The following CLEC6A variants were observed in gnomAD, a reference collection of about 807,000 sequenced individuals.
CLEC6A encodes C-type lectin domain family 6 member A.
Under a neutral mutation model 25.7 loss-of-function variants are expected in CLEC6A, and 22 were observed. That is an observed-to-expected ratio of 0.85 (90% CI 0.61 to 1.22). The LOEUF (loss-of-function observed/expected upper bound fraction) is 1.22. Ranked by LOEUF, CLEC6A falls within the 50% of genes most tolerant of loss-of-function variation. The pLI, the probability that CLEC6A is intolerant of heterozygous loss-of-function variation, is 0.00. For synonymous variants in CLEC6A, 92 were observed against 76.7 expected, an observed-to-expected ratio of 1.20 and a Z score of -1.04; for missense variants, 240 against 236.8, an observed-to-expected ratio of 1.01 and a Z score of -0.09.
intron 4 of CLEC6A, among the ~76,000 whole-genome samples, chr12:8,468,854 A>T (rs1230428292): frequency 1.3e-5 from 2 of 152,140 alleles, no homozygotes; most frequent in Non-Finnish European, 2.9e-5. Flanking sequence ...AAAAGTTAAA[A>T]TCATTCCCCC....
At chr12:8,457,109 CAAA>C (rs550398985) in intron 1 of CLEC6A, among the ~76,000 whole-genome samples, 1 of 132,190 alleles carries the variant, frequency 7.6e-6, no homozygotes. Flanking sequence ...GACTCCATGT[CAAA>C]AAAAAAAAAA....
At chr12:8,463,837 ATAC>A (rs1196937068) in intron 3 of CLEC6A, among the ~76,000 whole-genome samples, 1 of 152,154 alleles carries the variant, frequency 6.6e-6, no homozygotes, top group Non-Finnish European at 1.5e-5. Context: ...AGAAAATAAA[ATAC>A]TATTAACGTT....
At chr12:8,466,267 C>T (rs1257656471) in intron 4 of CLEC6A, among the ~76,000 whole-genome samples, 1 of 152,206 alleles carries the variant, frequency 6.6e-6, no homozygotes, top group Admixed American at 6.5e-5. Context: ...TAAGATGCTA[C>T]ATTTCCATTC....
intron 4 of CLEC6A, among the ~76,000 whole-genome samples, chr12:8,471,908 G>T (rs1290753076): frequency 6.6e-6 from 1 of 152,078 alleles, no homozygotes; most frequent in Non-Finnish European, 1.5e-5. Context: ...ATAGGAGCTT[G>T]GTTGTACATG....
intron 3 of CLEC6A, among the ~76,000 whole-genome samples, chr12:8,462,863 A>C (rs1939780408): frequency 6.6e-6 from 1 of 152,182 alleles, no homozygotes; most frequent in South Asian, 2.1e-4. Context: ...CCTAACGAGA[A>C]ACACCCACAG....
chr12:8,465,132 T>C (rs567058053), intron 3 of CLEC6A, among the ~76,000 whole-genome samples: 7 of 152,188 alleles, frequency 4.6e-5, no homozygotes, highest in Non-Finnish European at 1.0e-4. Flanking sequence ...TTGCCCAAGA[T>C]TACTGAGCAG....
chr12:8,471,253 A>G (rs150203875), intron 4 of CLEC6A, among the ~76,000 whole-genome samples: 3 of 152,150 alleles, frequency 2.0e-5, no homozygotes, highest in East Asian at 1.9e-4. Context: ...TTGTTTTTTC[A>G]TAGTATCTTT....
chr12:8,477,313 C>T lies in CLEC6A; in HGVS notation c.486-7C>T, dbSNP rs752704093. The stretch of plus-strand genomic sequence containing the variant: ...AAGATGTGTACTACCTTTTTGTTTT[C>T]CTTTAGATTTTGGCACCTAGGTGAG... On this transcript the variant is annotated splice_region_variant and splice_polypyrimidine_tract_variant and intron_variant, in intron 5 of 5. Coordinates refer to ENST00000382073, the MANE Select transcript of CLEC6A (RefSeq NM_001007033.2). The T allele has an allele frequency of 6.9e-6, 11 of 1,597,970 alleles. No individual in the cohort carries two copies. In the Admixed American group the frequency reaches 8.9e-5, roughly 13 times the overall value.
intron 4 of CLEC6A, among the ~76,000 whole-genome samples, chr12:8,475,516 G>A (rs936163681): frequency 6.6e-6 from 1 of 151,810 alleles, no homozygotes; most frequent in Non-Finnish European, 1.5e-5. Flanking sequence ...GAGTTCAAAG[G>A]CCTGAAATCC....
intron 3 of CLEC6A, among the ~76,000 whole-genome samples, chr12:8,462,871 C>T (rs976417474): frequency 1.3e-5 from 2 of 152,200 alleles, no homozygotes; most frequent in Non-Finnish European, 2.9e-5. Context: ...GAAACACCCA[C>T]AGGTGTGGAG....
intron 4 of CLEC6A, among the ~76,000 whole-genome samples, chr12:8,474,893 T>A (rs758800183): frequency 2.7e-4 from 41 of 152,286 alleles, no homozygotes; most frequent in South Asian, 1.2e-3. Flanking sequence ...TTCTTTTTTT[T>A]AAAATTATAC....
At chr12:8,468,442 A>G (rs927198885) in intron 4 of CLEC6A, among the ~76,000 whole-genome samples, 1 of 152,170 alleles carries the variant, frequency 6.6e-6, no homozygotes, top group African/African-American at 2.4e-5. Flanking sequence ...AACAGAGACA[A>G]TTTTACTTCT....
rs768187315 is a variant in CLEC6A, at chr12:8,456,110, T to A, written c.-2T>A. On this transcript the variant is annotated 5_prime_UTR_variant, in exon 1 of 6. Coordinates refer to ENST00000382073, the MANE Select transcript of CLEC6A (RefSeq NM_001007033.2). ...ACCTTCTCAACACAGGGAGCCTGCA[T>A]AATGATGCAAGAGCAGCAACCTCAA... is the stretch of plus-strand genomic sequence containing the variant. 6.2e-7 allele frequency: 1 copy of A among 1,613,884 alleles called. No individual in the cohort carries two copies. Among genetic ancestry groups the A allele is most frequent in the Admixed American group, 1.7e-5 (1 of 60,024 alleles).
intron 1 of CLEC6A, among the ~76,000 whole-genome samples, chr12:8,456,848 A>G (rs1324422677): frequency 6.6e-6 from 1 of 152,166 alleles, no homozygotes; most frequent in Non-Finnish European, 1.5e-5. Flanking sequence ...AGTGGCTCAC[A>G]CCTGTAATCT....
In CLEC6A at chr12:8,456,194, A is replaced by G. The variant is rs760956245; in HGVS notation, c.31+52A>G. On this transcript the variant is annotated intron_variant, in intron 1 of 5. Transcript: ENST00000382073. ...AAGTGGAAGTGTATGGTGAAATGAGATCACCTGGAGAGAAGAAGTAGCCAA... is the reference window on the plus strand; with the variant it reads ...AAGTGGAAGTGTATGGTGAAATGAGGTCACCTGGAGAGAAGAAGTAGCCAA... The G allele has an allele frequency of 3.2e-6, 5 of 1,555,204 alleles. No individual in the cohort carries two copies. In the African/African-American group the frequency reaches 6.8e-5, roughly 21 times the overall value.
chr12:8,465,468 T>G lies in CLEC6A; in HGVS notation c.224-16T>G. On this transcript the variant is annotated splice_polypyrimidine_tract_variant and intron_variant, in intron 3 of 5. Transcript: ENST00000382073. ...ATCTTGCACTCACTCTTTTTTTTCA[T>G]GTAACACAAAAATAGCCTGGGGATG... The G allele has an allele frequency of 6.2e-7, 1 of 1,613,654 alleles. No homozygotes were observed. Among genetic ancestry groups the G allele is most frequent in the Admixed American group, 1.7e-5 (1 of 59,980 alleles).
intron 3 of CLEC6A, among the ~76,000 whole-genome samples, chr12:8,462,368 G>A (rs1321150662): frequency 7.2e-6 from 1 of 138,032 alleles, no homozygotes; most frequent in Non-Finnish European, 1.6e-5. Flanking sequence ...CTGTGCTGAG[G>A]AGGATTAGTA....
At position 8,478,171 on chromosome 12, in the gene CLEC6A, C is replaced by T. The variant is rs1267297027; in HGVS notation, c.*707C>T. On this transcript the variant is annotated 3_prime_UTR_variant, in exon 6 of 6. Transcript: ENST00000382073. The stretch of plus-strand genomic sequence containing the variant: ...TTAAATTTTGTCAAATCTTTCTTTG[C>T]TTGCAAGCATTTCTTGTTACCCAAA... 2 of 151,956 alleles carry T rather than the reference C, an allele frequency of 1.3e-5. No homozygotes were observed. The highest frequency in any genetic ancestry group is 2.9e-5 in the Non-Finnish European group (2 of 67,872). The allele number at this position is 151,956 out of a possible 1,614,324, so 9.4% of individuals were successfully genotyped here. A position where few individuals can be genotyped will look rare whatever the true frequency, so the allele number is the denominator to read the frequency against.
At chr12:8,462,119 A>T (rs1195410836) in intron 3 of CLEC6A, among the ~76,000 whole-genome samples, 2 of 152,170 alleles carry the variant, frequency 1.3e-5, no homozygotes, top group Non-Finnish European at 2.9e-5. Context: ...TAAATGGATT[A>T]AGGGCTGTGC....
Sources: gnomAD v4.1 joint callset for allele counts (sites outside exome capture counted in the v4.1 genomes callset) on GRCh38, gnomAD v4.1.1 for gene constraint, MANE v1.5 for transcripts, NCBI Gene and HGNC (gene_info 2026-07-23, HGNC 2026-07-21) for gene names.